Variants in RBMS3 observed in about 807,000 individuals in gnomAD.
RBMS3 encodes the protein RNA binding motif single stranded interacting protein 3.
RBMS3 carries 27 observed loss-of-function variants against 66.8 expected under a neutral mutation model. That is an observed-to-expected ratio of 0.40 (90% CI 0.30 to 0.56). RBMS3 has a LOEUF of 0.56. RBMS3 is among the 20% of genes least tolerant of loss of function. RBMS3 has a pLI of 0.40. For synonymous variants in RBMS3, 188 were observed against 183.0 expected, an observed-to-expected ratio of 1.03 and a Z score of -0.22; for missense variants, 513 against 549.5, an observed-to-expected ratio of 0.93 and a Z score of 0.66.
chr3:29,936,272 T>C, intron 11 of RBMS3, 76 bp downstream of exon 11: 1 of 1,297,552 alleles, frequency 7.7e-7, no homozygotes, highest in Non-Finnish European at 1.1e-6. Context: ...ACTGGCATTA[T>C]CAGTGAAACT....
At position 29,491,114 on chromosome 3, in the gene RBMS3, G is replaced by T. The variant is rs187984777; in HGVS notation, c.307+2615G>T. Among the ~76,000 whole-genome samples, 226 of 152,282 alleles carry T rather than the reference G, an allele frequency of 1.5e-3. 1 individual carries two copies. The highest frequency in any genetic ancestry group is 5.2e-3 in the African/African-American group (217 of 41,556). On this transcript the variant is annotated intron_variant, in intron 3 of 14. Coordinates refer to ENST00000383767, the MANE Select transcript of RBMS3 (RefSeq NM_001003793.3). ...ACTGTACCCTTCTATAACTGTGAAG[G>T]TTTGAAGAAAAAGGGATGTAACTAA...
intron 6 of RBMS3, among the ~76,000 whole-genome samples, chr3:29,835,080 A>G (rs2058470794): frequency 6.6e-6 from 1 of 152,086 alleles, no homozygotes; most frequent in African/African-American, 2.4e-5. Flanking sequence ...ATTCATCAAG[A>G]GGACATAACA....
At chr3:29,394,335 GCTGTTATC>G (rs1288347599) in intron 1 of RBMS3, among the ~76,000 whole-genome samples, 1 of 152,120 alleles carries the variant, frequency 6.6e-6, no homozygotes, top group Non-Finnish European at 1.5e-5. Flanking sequence ...CCTGAAAATC[GCTGTTATC>G]CTGTTCCTTT....
intron 10 of RBMS3, among the ~76,000 whole-genome samples, chr3:29,920,154 T>A (rs899228823): frequency 6.6e-6 from 1 of 152,052 alleles, no homozygotes; most frequent in African/African-American, 2.4e-5. Context: ...CCACATGGGG[T>A]TATAATCAAA....
At position 29,587,241 on chromosome 3, in the gene RBMS3, TTTTTTTTTGTG is replaced by T. The variant is rs753163629; in HGVS notation, c.399+38_399+48del. 1.1e-5 allele frequency: 9 copies of T among 840,858 alleles called. No individual in the cohort carries two copies. The African/African-American group carries it at 1.6e-4, about 15-fold the overall frequency. The allele number at this position is 840,858 out of a possible 1,614,324, so 52.1% of individuals were successfully genotyped here. A position where few individuals can be genotyped will look rare whatever the true frequency, so the allele number is the denominator to read the frequency against. ...TGTTTAGGGGTGTTTTTTTTTTTTT[TTTTTTTTTGTG>T]TGTGTGTGTGTGTGTGTGTGTGTGT... is the stretch of plus-strand genomic sequence containing the variant. On this transcript the variant is annotated intron_variant, in intron 4 of 14. Transcript: ENST00000383767.
chr3:29,491,890 G>C (rs969003268), intron 3 of RBMS3, among the ~76,000 whole-genome samples: 2 of 152,142 alleles, frequency 1.3e-5, no homozygotes, highest in East Asian at 3.9e-4. Context: ...CTACTTGGGA[G>C]GCTGAGGCAG....
chr3:29,667,828 C>T (rs971266604), intron 4 of RBMS3, among the ~76,000 whole-genome samples: 5 of 152,042 alleles, frequency 3.3e-5, no homozygotes, highest in Non-Finnish European at 2.9e-5. Flanking sequence ...AATATAAAAA[C>T]ATTAGTAATC....
At chr3:29,505,484 G>T (rs2044146857) in intron 3 of RBMS3, among the ~76,000 whole-genome samples, 2 of 147,276 alleles carry the variant, frequency 1.4e-5, no homozygotes, top group Non-Finnish European at 3.0e-5. Context: ...TTGAAGTCAT[G>T]TAGTGTGATG....
At chr3:29,983,032 GT>G (rs1698101307) in intron 12 of RBMS3, among the ~76,000 whole-genome samples, 2 of 152,138 alleles carry the variant, frequency 1.3e-5, no homozygotes, top group South Asian at 4.1e-4. Context: ...CTATTATGGT[GT>G]GGGAGTCTAA....
At chr3:29,880,869 T>C in intron 7 of RBMS3, 1 of 1,488,014 alleles carries the variant, frequency 6.7e-7, no homozygotes, top group Non-Finnish European at 9.1e-7. Flanking sequence ...AAATCTCACC[T>C]TAGATTCTCT....
intron 3 of RBMS3, among the ~76,000 whole-genome samples, chr3:29,494,153 A>T (rs1292472486): frequency 1.3e-5 from 2 of 152,244 alleles, no homozygotes; most frequent in African/African-American, 4.8e-5. Context: ...GAGAAAGTCC[A>T]TGAACTTGTC....
chr3:29,737,579 T>C (rs140797731), intron 4 of RBMS3, among the ~76,000 whole-genome samples: 3 of 152,308 alleles, frequency 2.0e-5, no homozygotes, highest in African/African-American at 4.8e-5. Context: ...CAAACTACTT[T>C]TGGAGCGACA....
chr3:29,850,823 C>T (rs1228550166), intron 6 of RBMS3, among the ~76,000 whole-genome samples: 1 of 152,160 alleles, frequency 6.6e-6, no homozygotes, highest in Non-Finnish European at 1.5e-5. Context: ...ATCCTGCTAG[C>T]CTTTAGAGGT....
chr3:29,413,824 C>T (rs1378881926), intron 1 of RBMS3, among the ~76,000 whole-genome samples: 1 of 152,070 alleles, frequency 6.6e-6, no homozygotes, highest in African/African-American at 2.4e-5. Context: ...CTGAGTAGAT[C>T]CTGTATGAAA....
intron 1 of RBMS3, among the ~76,000 whole-genome samples, chr3:29,369,962 A>G (rs2038113423): frequency 6.6e-6 from 1 of 152,122 alleles, no homozygotes; most frequent in South Asian, 2.1e-4. Context: ...TACAATGCAG[A>G]CACCAGCTTT....
At chr3:29,708,119 T>C (rs1319965958) in intron 4 of RBMS3, among the ~76,000 whole-genome samples, 1 of 152,214 alleles carries the variant, frequency 6.6e-6, no homozygotes, top group Non-Finnish European at 1.5e-5. Context: ...CGATATATGC[T>C]ACTTTTGTTT....
At chr3:30,003,714 AG>A (rs1559882482) in intron 14 of RBMS3, 141 bp from the exon 15 acceptor site, 1 of 486,924 alleles carries the variant, frequency 2.1e-6, no homozygotes, top group African/African-American at 2.0e-5. Context: ...TCATAGACTC[AG>A]TATGATTTTA....
chr3:29,689,563 A>G (rs2051883626), intron 4 of RBMS3, among the ~76,000 whole-genome samples: 1 of 152,124 alleles, frequency 6.6e-6, no homozygotes, highest in Admixed American at 6.6e-5. Flanking sequence ...TTACCAGGGA[A>G]GCAGAGTGGA....
intron 1 of RBMS3, among the ~76,000 whole-genome samples, chr3:29,381,121 G>A (rs2038745426): frequency 2.6e-5 from 4 of 152,144 alleles, no homozygotes; most frequent in Admixed American, 2.6e-4. Context: ...GCACCTGTGA[G>A]GAAGTGAGTA....
Sources: gnomAD v4.1 joint callset for allele counts (sites outside exome capture counted in the v4.1 genomes callset) on GRCh38, gnomAD v4.1.1 for gene constraint, MANE v1.5 for transcripts, NCBI Gene and HGNC (gene_info 2026-07-23, HGNC 2026-07-21) for gene names.